Variants in SENP7 observed in about 807,000 individuals in gnomAD.
The protein encoded by SENP7 is sentrin-specific protease 7.
In SENP7, 64 loss-of-function variants were observed where a neutral mutation model predicts 141.2. The ratio of observed to expected loss-of-function variants is 0.45; its 90% CI spans 0.37 to 0.56. The LOEUF (loss-of-function observed/expected upper bound fraction) is 0.56, where lower values mean the gene tolerates loss of function less well. SENP7 is among the 20% of genes least tolerant of loss of function. SENP7 has a pLI of 0.00. For missense variants in SENP7, 1,025 were observed against 1,212.2 expected, an observed-to-expected ratio of 0.85 and a Z score of 2.29; for synonymous variants, 382 against 426.4, an observed-to-expected ratio of 0.90 and a Z score of 1.28.
intron 10 of SENP7, chr3:101,363,154 T>A: frequency 1.7e-5 from 16 of 937,870 alleles, no homozygotes; most frequent in Non-Finnish European, 2.0e-5. Context: ...TTCTTTGTCA[T>A]TCTCATGTTT....
At chr3:101,449,061 G>C (rs141666834) in intron 4 of SENP7, among the ~76,000 whole-genome samples, 130 of 152,282 alleles carry the variant, frequency 8.5e-4, no homozygotes, top group Non-Finnish European at 1.5e-3. Flanking sequence ...ACCAAGGCAC[G>C]AGAAGTACGC....
At chr3:101,329,591 T>C (rs1350117026) in intron 20 of SENP7, among the ~76,000 whole-genome samples, 1 of 152,056 alleles carries the variant, frequency 6.6e-6, no homozygotes, top group Non-Finnish European at 1.5e-5. Flanking sequence ...ATAACTATTT[T>C]AGCCTAAGGA....
At chr3:101,505,122 A>C (rs1339768365) in intron 1 of SENP7, among the ~76,000 whole-genome samples, 2 of 152,224 alleles carry the variant, frequency 1.3e-5, no homozygotes, top group African/African-American at 4.8e-5. Context: ...ACATATTCTC[A>C]CTATAAGTAG....
intron 4 of SENP7, among the ~76,000 whole-genome samples, chr3:101,452,328 T>C (rs2063173299): frequency 6.6e-6 from 1 of 152,236 alleles, no homozygotes; most frequent in Non-Finnish European, 1.5e-5. Context: ...CCCATCAAGC[T>C]ACCAATGACT....
intron 6 of SENP7, among the ~76,000 whole-genome samples, chr3:101,387,354 T>G (rs2060687047): frequency 6.6e-6 from 1 of 151,894 alleles, no homozygotes; most frequent in Non-Finnish European, 1.5e-5. Context: ...TTCTGGGGCC[T>G]GAAAACAGGC....
chr3:101,361,322 A>G (rs2059896054), intron 11 of SENP7, among the ~76,000 whole-genome samples: 1 of 152,146 alleles, frequency 6.6e-6, no homozygotes, highest in Non-Finnish European at 1.5e-5. Flanking sequence ...GCGTAGGATT[A>G]GTTCCTGGAT....
intron 4 of SENP7, among the ~76,000 whole-genome samples, chr3:101,439,507 A>G (rs2062556321): frequency 1.1e-4 from 4 of 36,740 alleles, no homozygotes; most frequent in Non-Finnish European, 2.1e-4. Flanking sequence ...TGGGGGGGTC[A>G]GCCCCCCGCC....
chr3:101,488,761 G>A (rs2064836235), intron 3 of SENP7, among the ~76,000 whole-genome samples: 1 of 152,228 alleles, frequency 6.6e-6, no homozygotes, highest in African/African-American at 2.4e-5. Context: ...AGAATTGCTT[G>A]AACCTGGGAG....
chr3:101,453,408 C>T (rs945877443), intron 4 of SENP7, among the ~76,000 whole-genome samples: 1 of 152,148 alleles, frequency 6.6e-6, no homozygotes, highest in East Asian at 1.9e-4. Context: ...AATAAAGACA[C>T]GTGCACACCT....
At chr3:101,489,324 G>A (rs1435801439) in intron 3 of SENP7, among the ~76,000 whole-genome samples, 1 of 152,144 alleles carries the variant, frequency 6.6e-6, no homozygotes, top group African/African-American at 2.4e-5. Context: ...CTAATCCTGA[G>A]TATAAATGGC....
At chr3:101,374,182 A>G (rs1429189262) in intron 6 of SENP7, among the ~76,000 whole-genome samples, 1 of 152,220 alleles carries the variant, frequency 6.6e-6, no homozygotes, top group Non-Finnish European at 1.5e-5. Context: ...TTTGACAAGG[A>G]TGCTGAAACC....
intron 4 of SENP7, among the ~76,000 whole-genome samples, chr3:101,422,061 C>T (rs1230998523): frequency 2.6e-5 from 4 of 152,080 alleles, no homozygotes; most frequent in African/African-American, 4.8e-5. Context: ...GGTGGGTGAG[C>T]GAGCATTACC....
intron 11 of SENP7, among the ~76,000 whole-genome samples, chr3:101,359,416 T>C (rs898825139): frequency 2.7e-5 from 4 of 150,378 alleles, no homozygotes; most frequent in Admixed American, 6.6e-5. Context: ...AATCCAGACA[T>C]AGAATCATAT....
intron 3 of SENP7, among the ~76,000 whole-genome samples, chr3:101,477,958 T>G (rs1409440323): frequency 2.0e-5 from 3 of 151,972 alleles, no homozygotes; most frequent in Admixed American, 2.0e-4. Flanking sequence ...AAAGCGTTGT[T>G]TTTTTTAAAG....
chr3:101,482,750 A>AT (rs924650289), intron 3 of SENP7, among the ~76,000 whole-genome samples: 6 of 151,808 alleles, frequency 4.0e-5, no homozygotes, highest in Non-Finnish European at 7.4e-5. Context: ...CTATCTTTTT[A>AT]TTTTTTTTAA....
rs144861763 is a variant in SENP7 at position 101,357,292 on chromosome 3, C to T, written c.1623+4423G>A. 1,140 of 578,796 alleles carry T rather than the reference C, an allele frequency of 2.0e-3. 7 individuals carry two copies. The highest frequency in any genetic ancestry group is 2.8e-3 in the Non-Finnish European group (865 of 307,104). 35.9% of individuals were successfully genotyped at this position (578,796 alleles called of 1,614,324 possible). A position where few individuals can be genotyped will look rare whatever the true frequency, so the allele number is the denominator to read the frequency against. Reference sequence around the variant, plus strand: ...CTGAGATTACAGGCGTGAGCCACCGCGAGGAGTGGCATTGCCTGGACACTG... The same window carrying T: ...CTGAGATTACAGGCGTGAGCCACCGTGAGGAGTGGCATTGCCTGGACACTG... On this transcript the variant is annotated intron_variant, in intron 11 of 23. Transcript: ENST00000394095.
At chr3:101,463,398 C>A (rs28674054) in intron 3 of SENP7, among the ~76,000 whole-genome samples, 825 of 58,712 alleles carry the variant, frequency 0.014, 19 homozygotes, top group African/African-American at 0.037. Flanking sequence ...TATATATATA[C>A]ATATATATAT....
intron 17 of SENP7, among the ~76,000 whole-genome samples, chr3:101,333,613 T>C (rs148157717): frequency 2.6e-5 from 4 of 152,318 alleles, no homozygotes; most frequent in Admixed American, 1.3e-4. Context: ...TTCTTTAAAA[T>C]AAAATTCATC....
chr3:101,464,294 T>TAA (rs1292080011), intron 3 of SENP7, among the ~76,000 whole-genome samples: 1 of 152,174 alleles, frequency 6.6e-6, no homozygotes, highest in Non-Finnish European at 1.5e-5. Flanking sequence ...CTGAATGGCC[T>TAA]AAAGCAGGAG....
Sources: allele counts gnomAD v4.1 joint callset (sites outside exome capture counted in the v4.1 genomes callset), GRCh38; gene constraint gnomAD v4.1.1; transcripts MANE v1.5; gene names NCBI Gene and HGNC (gene_info 2026-07-23, HGNC 2026-07-21).